TMTC1: variants seen among roughly 807,000 people sequenced by gnomAD.
TMTC1 encodes transmembrane O-mannosyltransferase targeting cadherins 1.
TMTC1 carries 73 observed loss-of-function variants against 104.8 expected under a neutral mutation model. The ratio of observed to expected loss-of-function variants is 0.70; its 90% CI spans 0.58 to 0.85. The LOEUF (loss-of-function observed/expected upper bound fraction) is 0.85. TMTC1 is among the 40% of genes least tolerant of loss of function. TMTC1 has a pLI of 0.00. For missense variants in TMTC1, 1,035 were observed against 1,096.1 expected, an observed-to-expected ratio of 0.94 and a Z score of 0.79; for synonymous variants, 434 against 428.7, an observed-to-expected ratio of 1.01 and a Z score of -0.15.
intron 5 of TMTC1, among the ~76,000 whole-genome samples, chr12:29,679,996 C>T (rs1334307991): frequency 1.3e-5 from 2 of 151,980 alleles, no homozygotes; most frequent in Admixed American, 1.3e-4. Flanking sequence ...TATTAAAAAC[C>T]CCACACACTA....
intron 5 of TMTC1, among the ~76,000 whole-genome samples, chr12:29,723,238 T>C (rs1942288761): frequency 6.6e-6 from 1 of 152,140 alleles, no homozygotes; most frequent in Non-Finnish European, 1.5e-5. Flanking sequence ...TCTCCCAACA[T>C]TGATCTATAT....
At chr12:29,719,774 T>C (rs190315131) in intron 5 of TMTC1, among the ~76,000 whole-genome samples, 1 of 152,374 alleles carries the variant, frequency 6.6e-6, no homozygotes, top group Admixed American at 6.5e-5. Context: ...CGCTTTCACC[T>C]GATTTTTGGT....
At chr12:29,759,992 C>T (rs1943306178) in intron 2 of TMTC1, among the ~76,000 whole-genome samples, 1 of 152,166 alleles carries the variant, frequency 6.6e-6, no homozygotes, top group East Asian at 1.9e-4. Flanking sequence ...GGTGGTCCCA[C>T]AAGATTATAA....
intron 1 of TMTC1, among the ~76,000 whole-genome samples, chr12:29,770,629 C>T (rs1009407386): frequency 6.6e-6 from 1 of 152,034 alleles, no homozygotes; most frequent in African/African-American, 2.4e-5. Context: ...ATGAGGAGTC[C>T]CCGCAGTAAT....
intron 6 of TMTC1, among the ~76,000 whole-genome samples, chr12:29,622,198 T>G (rs1591818024): frequency 1.3e-5 from 2 of 152,210 alleles, no homozygotes; most frequent in African/African-American, 2.4e-5. Flanking sequence ...TTTTCTCTCA[T>G]GTTTTTCTTT....
chr12:29,751,272 G>A (rs1409206550), intron 5 of TMTC1, among the ~76,000 whole-genome samples: 3 of 152,166 alleles, frequency 2.0e-5, no homozygotes, highest in African/African-American at 7.2e-5. Flanking sequence ...AGAGTCCTCT[G>A]GGTTTCCTCC....
At chr12:29,625,904 G>A (rs1937964499) in intron 6 of TMTC1, among the ~76,000 whole-genome samples, 1 of 152,172 alleles carries the variant, frequency 6.6e-6, no homozygotes, top group South Asian at 2.1e-4. Flanking sequence ...TTACAATAGA[G>A]CAGGCACACC....
At chr12:29,522,957 T>G (rs1400780182) in intron 11 of TMTC1, among the ~76,000 whole-genome samples, 1 of 152,242 alleles carries the variant, frequency 6.6e-6, no homozygotes, top group African/African-American at 2.4e-5. Context: ...GTCTTTATCC[T>G]TACTTATCCA....
At position 29,783,793 on chromosome 12, in the gene TMTC1, T is replaced by C. The variant is rs1231968697; in HGVS notation, c.-42A>G. 1.6e-5 allele frequency: 18 copies of C among 1,125,260 alleles called. No homozygotes were observed. Among genetic ancestry groups the C allele is most frequent in the Non-Finnish European group, 2.0e-5 (18 of 921,778 alleles). The allele number at this position is 1,125,260 out of a possible 1,614,324, so 69.7% of individuals were successfully genotyped here. ...CTGCTGCCCTGGCCTCTCCCGGGCG[T>C]CTGGCATCCTCCCCTACCGGGGCCC... On this transcript the variant is annotated 5_prime_UTR_variant, in exon 1 of 18. Transcript: ENST00000539277. This position sits in a 1 kb window ranked among gnomAD's most constrained non-coding sequence, Gnocchi z 4.7.
At chr12:29,648,043 A>C (rs1939348335) in intron 5 of TMTC1, among the ~76,000 whole-genome samples, 1 of 152,212 alleles carries the variant, frequency 6.6e-6, no homozygotes, top group Admixed American at 6.5e-5. Flanking sequence ...CCTTAATCCC[A>C]GATTTACAAG....
Position 29,725,220 on chromosome 12 carries a change from T to C in TMTC1, c.938+26446A>G, listed in dbSNP as rs1591979182. Among the ~76,000 whole-genome samples the C allele has an allele frequency of 2.0e-5, 3 of 150,810 alleles. No individual in the cohort carries two copies. In the South Asian group the frequency reaches 6.3e-4, roughly 32 times the overall value. On this transcript the variant is annotated intron_variant, in intron 5 of 17. Transcript: ENST00000539277. ...GTTTTTTTTTTAGTAGAGATGGGGGTTTCACCATGTTGGCCAGGCTGGTCT... is the reference window on the plus strand; with the variant it reads ...GTTTTTTTTTTAGTAGAGATGGGGGCTTCACCATGTTGGCCAGGCTGGTCT...
chr12:29,628,520 A>G (rs7310245), intron 6 of TMTC1, among the ~76,000 whole-genome samples: 88,493 of 152,018 alleles, frequency 0.58, 27,015 homozygotes, highest in East Asian at 0.79. Context: ...ACCTCATTAT[A>G]TCCCACCAGC....
At chr12:29,762,529 G>A (rs950206170) in intron 2 of TMTC1, among the ~76,000 whole-genome samples, 1 of 152,144 alleles carries the variant, frequency 6.6e-6, no homozygotes, top group Non-Finnish European at 1.5e-5. Flanking sequence ...GTATCTGTTA[G>A]TTAAAATCTA....
At chr12:29,555,333 T>C (rs975807984) in intron 10 of TMTC1, among the ~76,000 whole-genome samples, 3 of 151,798 alleles carry the variant, frequency 2.0e-5, no homozygotes, top group African/African-American at 7.3e-5. Context: ...TATTTATTTT[T>C]TTAAAATTAT....
At chr12:29,595,841 C>A (rs973142930) in intron 7 of TMTC1, among the ~76,000 whole-genome samples, 11 of 152,088 alleles carry the variant, frequency 7.2e-5, no homozygotes, top group Non-Finnish European at 1.5e-5. Flanking sequence ...GGACTGAAGA[C>A]GTGGAAAGGA....
chr12:29,569,685 A>C lies in TMTC1; in HGVS notation c.1532+2420T>G, dbSNP rs1408495483. On this transcript the variant is annotated intron_variant, in intron 9 of 17. Transcript: ENST00000539277. Reference sequence around the variant, plus strand: ...AAAGAGTGACAATCTATTTCTTAAAAAACAACAACAACAAAAATACCCACA... The same window carrying C: ...AAAGAGTGACAATCTATTTCTTAAACAACAACAACAACAAAAATACCCACA... Among the ~76,000 whole-genome samples, 9 of 152,336 alleles carry C rather than the reference A, an allele frequency of 5.9e-5. No homozygotes were observed. The South Asian group carries it at 1.9e-3, about 32-fold the overall frequency.
chr12:29,675,892 T>G (rs901903496), intron 5 of TMTC1, among the ~76,000 whole-genome samples: 14 of 152,288 alleles, frequency 9.2e-5, no homozygotes, highest in African/African-American at 3.1e-4. Context: ...TTAATAACCA[T>G]TAAGACTGTA....
chr12:29,513,059 G>A (rs895080062), intron 16 of TMTC1, among the ~76,000 whole-genome samples: 1 of 152,142 alleles, frequency 6.6e-6, no homozygotes, highest in Non-Finnish European at 1.5e-5. Context: ...TAAACCAAAA[G>A]GGTGTGTCTC....
At position 29,556,888 on chromosome 12, in the gene TMTC1, G is replaced by T; in HGVS notation, c.1645C>A (p.Arg549=). The T allele has an allele frequency of 6.2e-7, 1 of 1,614,140 alleles. No individual in the cohort carries two copies. The highest frequency in any genetic ancestry group is 8.5e-7 in the Non-Finnish European group (1 of 1,180,010). Residue 549 remains arginine, a synonymous_variant, in exon 10 of 18, where the codon CGG becomes AGG. Coordinates refer to ENST00000539277, the MANE Select transcript of TMTC1 (RefSeq NM_001193451.2). ...AGATTCCCCAGATTGAAAAGAGCCC[G>T]GTTATGCTGTGGATGGAGCTGGAGA... ...RALQLHPQHN[R]ALFNLGNLLK...
Sources: gnomAD v4.1 joint callset for allele counts (sites outside exome capture counted in the v4.1 genomes callset) on GRCh38, gnomAD v4.1.1 for gene constraint, Gnocchi (gnomAD v3.1) non-coding constraint, MANE v1.5 for transcripts, NCBI Gene and HGNC (gene_info 2026-07-23, HGNC 2026-07-21) for gene names.